Variants in MBNL2 observed in about 807,000 individuals in gnomAD.
The protein encoded by MBNL2 is muscleblind-like protein 2.
MBNL2 carries 17 observed loss-of-function variants against 41.9 expected under a neutral mutation model. The observed-to-expected ratio is 0.41, with a 90% CI of 0.28 to 0.61. MBNL2 has a LOEUF of 0.61. Among genes scored for constraint, MBNL2 ranks in the 20% least tolerant of loss-of-function variants. The pLI is 0.35. For missense variants in MBNL2, 336 were observed against 505.6 expected (o/e 0.66, Z 3.22); for synonymous variants, 195 against 182.9 (o/e 1.07, Z -0.53).
At chr13:97,196,777 C>G in the MBNL2 span, among the ~76,000 whole-genome samples, 1 of 152,158 alleles carries the variant, frequency 6.6e-6, no homozygotes, top group African/African-American at 2.4e-5. Flanking sequence ...TTCCACAATT[C>G]TCATTACTGT....
intron 2 of MBNL2, among the ~76,000 whole-genome samples, chr13:97,315,852 G>T (rs897284440): frequency 6.6e-6 from 1 of 151,896 alleles, no homozygotes; most frequent in Non-Finnish European, 1.5e-5. Context: ...ACTCGTGGGT[G>T]AGGATGTGGA....
chr13:97,307,024 A>T lies in MBNL2; in HGVS notation c.175-27252A>T, dbSNP rs201733969. On this transcript the variant is annotated intron_variant, in intron 2 of 8. Coordinates refer to ENST00000679496, the MANE Select transcript of MBNL2 (RefSeq NM_001382683.1). ...GACTTTTGATTTTTATCAATATAGC[A>T]TCTTATTCCTTATTGTTCAAGGCAT... Among the ~76,000 whole-genome samples the T allele has an allele frequency of 4.6e-5, 7 of 152,304 alleles. No individual in the cohort carries two copies. The East Asian group carries it at 7.7e-4, about 17-fold the overall frequency.
chr13:97,169,233 C>T, the MBNL2 span, among the ~76,000 whole-genome samples: 1 of 152,162 alleles, frequency 6.6e-6, no homozygotes, highest in African/African-American at 2.4e-5. Context: ...TTACTCTGTT[C>T]TTGTAGTTCT....
At chr13:97,143,823 A>G in the MBNL2 span, among the ~76,000 whole-genome samples, 4 of 152,190 alleles carry the variant, frequency 2.6e-5, no homozygotes, top group South Asian at 8.3e-4. Flanking sequence ...ATGGAGGAAG[A>G]GTGTTTAAAT....
intron 4 of MBNL2, among the ~76,000 whole-genome samples, chr13:97,343,989 A>G (rs1404229465): frequency 1.3e-5 from 2 of 152,142 alleles, no homozygotes; most frequent in Non-Finnish European, 2.9e-5. Flanking sequence ...TATTTTTAGT[A>G]GAGACAGGGT....
At chr13:97,269,673 A>T (rs537391625) in intron 1 of MBNL2, among the ~76,000 whole-genome samples, 2 of 152,182 alleles carry the variant, frequency 1.3e-5, no homozygotes, top group African/African-American at 4.8e-5. Flanking sequence ...AGCGGGCTTA[A>T]GGTTTTTGTA....
intron 2 of MBNL2, among the ~76,000 whole-genome samples, chr13:97,279,386 G>C (rs2052879312): frequency 6.6e-6 from 1 of 152,202 alleles, no homozygotes; most frequent in African/African-American, 2.4e-5. Flanking sequence ...TGCCTGACCT[G>C]TGGCATCCCA....
At chr13:97,178,969 T>C in the MBNL2 span, among the ~76,000 whole-genome samples, 1 of 152,224 alleles carries the variant, frequency 6.6e-6, no homozygotes, top group Non-Finnish European at 1.5e-5. Flanking sequence ...TTGAGATAAA[T>C]AGTTGAAGCT....
chr13:97,368,346 C>T (rs554199158), intron 8 of MBNL2, among the ~76,000 whole-genome samples: 6 of 151,470 alleles, frequency 4.0e-5, no homozygotes, highest in African/African-American at 7.3e-5. Context: ...CTGGGGAGGT[C>T]GAGGCTGCAG....
intron 2 of MBNL2, among the ~76,000 whole-genome samples, chr13:97,326,715 CA>C (rs1275102403): frequency 9.9e-5 from 15 of 152,192 alleles, no homozygotes; most frequent in African/African-American, 2.4e-4. Flanking sequence ...ACAAGGAGCT[CA>C]TGTGGTTCAA....
At chr13:97,209,198 C>G in the MBNL2 span, among the ~76,000 whole-genome samples, 2 of 151,982 alleles carry the variant, frequency 1.3e-5, no homozygotes, top group Non-Finnish European at 1.5e-5. Flanking sequence ...ATAATGTCAC[C>G]CATTATTATT....
At chr13:97,383,117 T>C (rs531171780) in intron 8 of MBNL2, among the ~76,000 whole-genome samples, 2 of 152,316 alleles carry the variant, frequency 1.3e-5, no homozygotes, top group African/African-American at 4.8e-5. Context: ...TTGGATGACA[T>C]ATGGGTTGTT....
chr13:97,176,577 A>G, the MBNL2 span, among the ~76,000 whole-genome samples: 1 of 152,176 alleles, frequency 6.6e-6, no homozygotes, highest in African/African-American at 2.4e-5. Context: ...ACTCACCTGG[A>G]CTTCCACGAA....
At chr13:97,310,550 C>T (rs2058503396) in intron 2 of MBNL2, among the ~76,000 whole-genome samples, 1 of 151,984 alleles carries the variant, frequency 6.6e-6, no homozygotes, top group African/African-American at 2.4e-5. Context: ...CTGCCTCAGC[C>T]TCCTGAGTAG....
At chr13:97,255,333 C>T (rs2047322251) in intron 1 of MBNL2, among the ~76,000 whole-genome samples, 1 of 152,138 alleles carries the variant, frequency 6.6e-6, no homozygotes, top group Non-Finnish European at 1.5e-5. Flanking sequence ...AATTGCATAC[C>T]ACTTCAATTA....
At chr13:97,145,957 CTCTTTTCTTTTCTTTTCTTTTCTTT>C in the MBNL2 span, among the ~76,000 whole-genome samples, 71 of 143,906 alleles carry the variant, frequency 4.9e-4, no homozygotes, top group African/African-American at 1.6e-3. Flanking sequence ...CAGGGTTCTA[CTCTTTTCTTTTCTTTTCTTTTCTTT>C]TCTTTTCTTT....
At chr13:97,178,110 G>T in the MBNL2 span, among the ~76,000 whole-genome samples, 95 of 152,292 alleles carry the variant, frequency 6.2e-4, no homozygotes, top group African/African-American at 2.2e-3. Flanking sequence ...CACAGAAAAA[G>T]TCAATGGAAG....
At chr13:97,204,146 C>T in the MBNL2 span, among the ~76,000 whole-genome samples, 2 of 152,192 alleles carry the variant, frequency 1.3e-5, no homozygotes, top group Non-Finnish European at 2.9e-5. Flanking sequence ...GAGACAGAGG[C>T]AGCAGCAACA....
At chr13:97,276,870 G>T (rs973585650) in intron 2 of MBNL2, among the ~76,000 whole-genome samples, 1 of 150,152 alleles carries the variant, frequency 6.7e-6, no homozygotes, top group African/African-American at 2.5e-5. Flanking sequence ...CTGAAAATGT[G>T]TCATGGCTAA....
Sources: allele counts gnomAD v4.1 joint callset (sites outside exome capture counted in the v4.1 genomes callset), GRCh38; gene constraint gnomAD v4.1.1; transcripts MANE v1.5; gene names NCBI Gene and HGNC (gene_info 2026-07-23, HGNC 2026-07-21).